Variants in RAPGEF2 observed in about 807,000 individuals in gnomAD.
The protein encoded by RAPGEF2 is PDZ domain containing guanine nucleotide exchange factor (GEF) 1.
In RAPGEF2, 54 loss-of-function variants were observed where a neutral mutation model predicts 186.7. The observed-to-expected ratio is 0.29, with a 90% CI of 0.23 to 0.36. RAPGEF2 has a LOEUF of 0.36. Ranked by LOEUF, RAPGEF2 falls within the 10% of genes least tolerant of loss-of-function variation. The pLI is 1.00. For synonymous variants in RAPGEF2, 712 were observed against 705.9 expected (o/e 1.01, Z -0.14); for missense variants, 1,532 against 2,045.0 (o/e 0.75, Z 4.84).
chr4:159,282,875 TAAG>T (rs1759917109), intron 7 of RAPGEF2, among the ~76,000 whole-genome samples: 1 of 152,196 alleles, frequency 6.6e-6, no homozygotes, highest in Non-Finnish European at 1.5e-5. Context: ...TGCGTTCTTT[TAAG>T]AAGAAGAATG....
chr4:159,262,747 C>T (rs1298353001), intron 7 of RAPGEF2, among the ~76,000 whole-genome samples: 1 of 152,084 alleles, frequency 6.6e-6, no homozygotes, highest in African/African-American at 2.4e-5. Context: ...ACATAATTTT[C>T]GTATATTTCT....
intron 1 of RAPGEF2, among the ~76,000 whole-genome samples, chr4:159,137,723 A>AAAG (rs1741873603): frequency 6.6e-6 from 1 of 151,744 alleles, no homozygotes; most frequent in South Asian, 2.1e-4. Flanking sequence ...AAAAAAAAAA[A>AAAG]AAACCTGCAA....
chr4:159,342,939 TA>T lies in RAPGEF2; in HGVS notation c.2919-39del, dbSNP rs372892869. 1.1e-4 allele frequency: 166 copies of T among 1,542,550 alleles called. 1 individual carries two copies. In the East Asian group the frequency reaches 3.2e-3, roughly 30 times the overall value. On this transcript the variant is annotated intron_variant, in intron 20 of 29. Transcript: ENST00000691494. ...TCAATAAATAATCTGTACACTATTT[TA>T]CTTTAGTTGTTATACCATGTTTCTT...
intron 1 of RAPGEF2, among the ~76,000 whole-genome samples, chr4:159,104,551 A>T (rs11726376): frequency 0.26 from 34,872 of 134,216 alleles, 4,951 homozygotes; most frequent in Non-Finnish European, 0.32. Context: ...AGAGAGAGAG[A>T]GAGTGTGTGT....
intron 2 of RAPGEF2, among the ~76,000 whole-genome samples, chr4:159,189,026 C>G (rs913998405): frequency 3.6e-5 from 4 of 112,366 alleles, no homozygotes; most frequent in African/African-American, 1.0e-4. Flanking sequence ...CAGATAAACC[C>G]AACAACTTAA....
chr4:159,198,361 TCC>T, intron 3 of RAPGEF2, among the ~76,000 whole-genome samples: 1 of 141,370 alleles, frequency 7.1e-6, no homozygotes, highest in Non-Finnish European at 1.6e-5. Context: ...TTTCCTTCCT[TCC>T]TTTTTTTCTT....
At chr4:159,105,412 C>T (rs1005269589) in intron 1 of RAPGEF2, among the ~76,000 whole-genome samples, 2 of 152,180 alleles carry the variant, frequency 1.3e-5, no homozygotes, top group Admixed American at 6.5e-5. Context: ...ATAGACTCTT[C>T]CCCTGGCTGC....
chr4:159,350,945 G>A, intron 26 of RAPGEF2: 4 of 1,224,998 alleles, frequency 3.3e-6, no homozygotes, highest in Non-Finnish European at 4.5e-6. Context: ...TGACTCAACA[G>A]GTATTGCTTT....
Position 159,355,878 on chromosome 4 carries a change from G to GCCGGCGC in RAPGEF2, c.4679_4680insGGCGCCC (p.Pro1561AlafsTer16). 1 of 1,515,860 alleles carries GCCGGCGC rather than the reference G, an allele frequency of 6.6e-7. No individual in the cohort carries two copies. 93.9% of individuals were successfully genotyped at this position (1,515,860 alleles called of 1,614,324 possible). ...CACGAAAGGAGGGCAGGTATCGAGA[G>GCCGGCGC]CCCCCGCCCACCCCTCCCGGCTACA... On this transcript the variant is annotated frameshift_variant, in exon 29 of 30. Transcript: ENST00000691494. LOFTEE classifies it high-confidence loss of function.
At chr4:159,281,671 CAAAAAAAA>C (rs11346544) in intron 7 of RAPGEF2, among the ~76,000 whole-genome samples, 32 of 85,194 alleles carry the variant, frequency 3.8e-4, no homozygotes, top group Non-Finnish European at 5.0e-4. Context: ...AACTTGATTT[CAAAAAAAA>C]AAAAAAAAAA....
At chr4:159,126,922 C>A in intron 1 of RAPGEF2, among the ~76,000 whole-genome samples, 1 of 152,220 alleles carries the variant, frequency 6.6e-6, no homozygotes, top group East Asian at 1.9e-4. Flanking sequence ...GAACAATAAT[C>A]TCACACTATC....
At chr4:159,178,985 AAAG>A (rs1310483908) in intron 1 of RAPGEF2, among the ~76,000 whole-genome samples, 1 of 152,208 alleles carries the variant, frequency 6.6e-6, no homozygotes, top group African/African-American at 2.4e-5. Context: ...TGGGACAAAA[AAAG>A]GGAAAGCTTT....
chr4:159,118,244 C>T (rs766045082), intron 1 of RAPGEF2, among the ~76,000 whole-genome samples: 38 of 152,290 alleles, frequency 2.5e-4, no homozygotes, highest in Middle Eastern at 3.4e-3. Context: ...ATTAGATTCT[C>T]ATAGGAGCAC....
intron 23 of RAPGEF2, 99 bp downstream of exon 23, chr4:159,344,158 A>AT: frequency 3.7e-6 from 5 of 1,346,452 alleles, no homozygotes; most frequent in South Asian, 1.2e-5. Context: ...GCATTTTTGC[A>AT]TTTTTTTCCT....
chr4:159,352,413 T>C (rs1580067680), intron 26 of RAPGEF2: 1 of 355,954 alleles, frequency 2.8e-6, no homozygotes, highest in East Asian at 5.3e-5. Context: ...GTAAGGGAGC[T>C]AAGAATAGTT....
chr4:159,330,189 A>G, intron 12 of RAPGEF2, 145 bp from the exon 13 acceptor site: 1 of 803,138 alleles, frequency 1.2e-6, no homozygotes, highest in Non-Finnish European at 1.9e-6. Flanking sequence ...CTGTGTTACT[A>G]TCCAATTCAT....
chr4:159,206,538 T>G (rs1433315133), intron 3 of RAPGEF2, among the ~76,000 whole-genome samples: 1 of 152,200 alleles, frequency 6.6e-6, no homozygotes, highest in Non-Finnish European at 1.5e-5. Context: ...TCAGTTTCAT[T>G]TTTCTTAAAA....
At chr4:159,321,204 CTTTTT>C (rs33926132) in intron 9 of RAPGEF2, among the ~76,000 whole-genome samples, 12 of 140,192 alleles carry the variant, frequency 8.6e-5, no homozygotes, top group Admixed American at 2.8e-4. Flanking sequence ...GTCACTGCCA[CTTTTT>C]TTTTTTTTTT....
At chr4:159,325,468 ACAAG>A (rs1280165239) in intron 11 of RAPGEF2, among the ~76,000 whole-genome samples, 3 of 152,164 alleles carry the variant, frequency 2.0e-5, no homozygotes, top group African/African-American at 7.2e-5. Context: ...CTGAGTCAAA[ACAAG>A]CTAGCAAATT....
Sources: allele counts gnomAD v4.1 joint callset (sites outside exome capture counted in the v4.1 genomes callset), GRCh38; gene constraint gnomAD v4.1.1; transcripts MANE v1.5; gene names NCBI Gene and HGNC (gene_info 2026-07-23, HGNC 2026-07-21).